Variants in SPAG16 observed in about 807,000 individuals in gnomAD.
The protein encoded by SPAG16 is sperm-associated antigen 16 protein.
A neutral mutation model predicts 80.4 loss-of-function variants in SPAG16; 86 were observed. The observed-to-expected ratio is 1.07, with a 90% CI of 0.90 to 1.28. SPAG16 has a LOEUF of 1.28. Ranked by LOEUF, SPAG16 falls within the 50% of genes most tolerant of loss-of-function variation. The probability of loss-of-function intolerance (pLI) is 0.00; values close to 1 mark genes in which losing one functional copy is unlikely to be tolerated. For synonymous variants in SPAG16, 294 were observed against 265.9 expected (o/e 1.11, Z -1.03); for missense variants, 870 against 765.3 (o/e 1.14, Z -1.61).
intron 15 of SPAG16, among the ~76,000 whole-genome samples, chr2:214,290,094 A>G (rs1161729364): frequency 6.6e-6 from 1 of 151,156 alleles, no homozygotes; most frequent in East Asian, 1.9e-4. Flanking sequence ...CAATGTCACT[A>G]CTCACAATTG....
At chr2:213,678,963 C>T (rs1477921982) in intron 10 of SPAG16, among the ~76,000 whole-genome samples, 2 of 152,108 alleles carry the variant, frequency 1.3e-5, no homozygotes, top group Non-Finnish European at 2.9e-5. Context: ...TTAGGAGAGG[C>T]TGTTCTGGGG....
At chr2:213,830,971 T>C (rs896435132) in intron 10 of SPAG16, among the ~76,000 whole-genome samples, 2 of 152,012 alleles carry the variant, frequency 1.3e-5, no homozygotes, top group Admixed American at 6.6e-5. Context: ...TATAACTCTT[T>C]CTCAAAATTC....
intron 11 of SPAG16, among the ~76,000 whole-genome samples, chr2:213,897,387 G>T (rs151047291): frequency 6.2e-4 from 94 of 152,178 alleles, no homozygotes; most frequent in African/African-American, 2.2e-3. Context: ...GCTGCTTATT[G>T]TGCAGACTGG....
At chr2:213,762,549 T>G (rs998459989) in intron 10 of SPAG16, among the ~76,000 whole-genome samples, 1 of 152,192 alleles carries the variant, frequency 6.6e-6, no homozygotes, top group Non-Finnish European at 1.5e-5. Context: ...GAAATAATAG[T>G]TGTTTCAACA....
rs532142856 is a variant in SPAG16, at chr2:213,986,340, T to C, written c.1401-27611T>C. Among the ~76,000 whole-genome samples the C allele has an allele frequency of 7.2e-5, 11 of 152,204 alleles. No homozygotes were observed. The East Asian group carries it at 1.2e-3, about 16-fold the overall frequency. On this transcript the variant is annotated intron_variant, in intron 12 of 15. Coordinates refer to ENST00000331683, the MANE Select transcript of SPAG16 (RefSeq NM_024532.5). ...TTTTCCCACCGTTTATTTCAGTTTTTTTCTATGTCATGTATTGTATTTAGT... is the reference window on the plus strand; with the variant it reads ...TTTTCCCACCGTTTATTTCAGTTTTCTTCTATGTCATGTATTGTATTTAGT...
chr2:214,250,595 A>G (rs1026901056), intron 15 of SPAG16, among the ~76,000 whole-genome samples: 1 of 148,054 alleles, frequency 6.8e-6, no homozygotes, highest in Non-Finnish European at 1.5e-5. Flanking sequence ...TAAATTTGCA[A>G]TATAAAGTAA....
At chr2:214,400,084 T>C (rs1050893849) in intron 15 of SPAG16, among the ~76,000 whole-genome samples, 1 of 152,076 alleles carries the variant, frequency 6.6e-6, no homozygotes, top group African/African-American at 2.4e-5. Context: ...ATTTCTGTAA[T>C]ATTCAGAAGG....
At chr2:213,476,662 C>G (rs4672680) in intron 9 of SPAG16, among the ~76,000 whole-genome samples, 1 of 152,118 alleles carries the variant, frequency 6.6e-6, no homozygotes, top group Non-Finnish European at 1.5e-5. Context: ...CATTTTTGCT[C>G]GCATAGTTTG....
At chr2:213,395,271 T>C (rs1436211635) in intron 9 of SPAG16, among the ~76,000 whole-genome samples, 1 of 152,212 alleles carries the variant, frequency 6.6e-6, no homozygotes, top group Non-Finnish European at 1.5e-5. Flanking sequence ...AGCTTTGGGT[T>C]TATTATGTTC....
chr2:213,932,408 G>T (rs1393426256), intron 12 of SPAG16, among the ~76,000 whole-genome samples: 1 of 151,704 alleles, frequency 6.6e-6, no homozygotes, highest in Non-Finnish European at 1.5e-5. Flanking sequence ...TAGAGACGGG[G>T]TTTCACCATG....
At chr2:213,291,426 A>G (rs563149011) in intron 1 of SPAG16, among the ~76,000 whole-genome samples, 1 of 152,216 alleles carries the variant, frequency 6.6e-6, no homozygotes, top group Non-Finnish European at 1.5e-5. Context: ...TATAAATTAT[A>G]TTGTGGATAC....
chr2:213,542,600 A>G (rs2125919601), intron 10 of SPAG16, among the ~76,000 whole-genome samples: 1 of 152,272 alleles, frequency 6.6e-6, no homozygotes, highest in Admixed American at 6.5e-5. Context: ...AAAAATAAAA[A>G]CAACAACCAG....
chr2:213,976,705 G>A (rs2045428922), intron 12 of SPAG16, among the ~76,000 whole-genome samples: 1 of 152,016 alleles, frequency 6.6e-6, no homozygotes, highest in African/African-American at 2.4e-5. Context: ...TTGAAGAGAG[G>A]ACTCTAGGAG....
chr2:214,098,484 A>G (rs530497686), intron 13 of SPAG16, among the ~76,000 whole-genome samples: 2 of 152,056 alleles, frequency 1.3e-5, no homozygotes, highest in Non-Finnish European at 2.9e-5. Context: ...ATAGACACAG[A>G]TGAAAGGCCA....
At chr2:214,293,605 A>G (rs2125935636) in intron 15 of SPAG16, among the ~76,000 whole-genome samples, 1 of 152,342 alleles carries the variant, frequency 6.6e-6, no homozygotes, top group East Asian at 1.9e-4. Context: ...TTGGGACAGC[A>G]GTGGCTGTGT....
intron 10 of SPAG16, among the ~76,000 whole-genome samples, chr2:213,785,322 C>T (rs1245942468): frequency 6.6e-6 from 1 of 152,122 alleles, no homozygotes; most frequent in Non-Finnish European, 1.5e-5. Flanking sequence ...TTTTAAACTA[C>T]TTCAACTGTG....
intron 10 of SPAG16, among the ~76,000 whole-genome samples, chr2:213,735,019 A>G (rs1039828058): frequency 1.3e-5 from 2 of 151,870 alleles, no homozygotes; most frequent in African/African-American, 4.8e-5. Flanking sequence ...ACTATTGCAG[A>G]TATACTCCAT....
intron 10 of SPAG16, among the ~76,000 whole-genome samples, chr2:213,848,772 C>A (rs2074754086): frequency 6.6e-6 from 1 of 152,134 alleles, no homozygotes; most frequent in Non-Finnish European, 1.5e-5. Flanking sequence ...CTTCAGCTTC[C>A]CCTTGCCAGC....
chr2:213,900,826 C>G (rs899258932), intron 11 of SPAG16, among the ~76,000 whole-genome samples: 1 of 152,112 alleles, frequency 6.6e-6, no homozygotes, highest in East Asian at 1.9e-4. Context: ...AAGGCCATAG[C>G]CTTCATAACC....
Sources: allele counts gnomAD v4.1 joint callset (sites outside exome capture counted in the v4.1 genomes callset), GRCh38; gene constraint gnomAD v4.1.1; transcripts MANE v1.5; gene names NCBI Gene and HGNC (gene_info 2026-07-23, HGNC 2026-07-21).